Variants in C16orf89 observed in about 807,000 individuals in gnomAD.
C16orf89 encodes chromosome 16 open reading frame 89, also known as UPF0764 protein C16orf89.
Under a neutral mutation model 41.5 loss-of-function variants are expected in C16orf89, and 57 were observed. The observed-to-expected ratio is 1.38, with a 90% CI of 1.11 to 1.71. C16orf89 has a LOEUF of 1.71. Among genes scored for constraint, C16orf89 ranks in the 40% most tolerant of loss-of-function variants. The pLI, the probability that C16orf89 is intolerant of heterozygous loss-of-function variation, is 0.00. For synonymous variants in C16orf89, 223 were observed against 190.6 expected, an observed-to-expected ratio of 1.17 and a Z score of -1.40; for missense variants, 575 against 445.9, an observed-to-expected ratio of 1.29 and a Z score of -2.61.
chr16:5,065,864 C>T lies in C16orf89; in HGVS notation c.45G>A (p.Leu15=). The change falls in exon 1 of 8, where the codon CTG becomes CTA. Residue 15 remains leucine, a synonymous_variant. Coordinates refer to ENST00000472572, the MANE Select transcript of C16orf89 (RefSeq NM_001098514.3). Reference sequence around the variant, plus strand: ...GCAGTGAGGAGGACCACAGCGGTGGCAGTGCTGTCAGTAAGAGCAGGAGCA... The same window carrying T: ...GCAGTGAGGAGGACCACAGCGGTGGTAGTGCTGTCAGTAAGAGCAGGAGCA... The part of the protein sequence containing the change: ...GLLLLLLLTA[L]PPLWSSSLPG... 6.8e-6 allele frequency: 11 copies of T among 1,614,204 alleles called. No individual in the cohort carries two copies. The highest frequency in any genetic ancestry group is 8.5e-6 in the Non-Finnish European group (10 of 1,180,030).
intron 6 of C16orf89, 108 bp downstream of exon 6, chr16:5,055,138 C>T (rs1380684704): frequency 2.1e-5 from 20 of 967,904 alleles, no homozygotes; most frequent in Non-Finnish European, 3.1e-5. Flanking sequence ...TTACAAATCC[C>T]TTGGCAACCT....
intron 1 of C16orf89, among the ~76,000 whole-genome samples, chr16:5,065,307 C>T (rs915963744): frequency 6.6e-6 from 1 of 152,170 alleles, no homozygotes; most frequent in Non-Finnish European, 1.5e-5. Flanking sequence ...GGAACCCGAT[C>T]TTGAGGGTCC....
At chr16:5,055,214 C>A (rs1411143178) in intron 6 of C16orf89, 32 bp downstream of exon 6, 16 of 1,541,772 alleles carry the variant, frequency 1.0e-5, no homozygotes, top group Non-Finnish European at 1.3e-5. Context: ...CCCACTGCCC[C>A]CCTTCTTAGC....
At chr16:5,046,015 C>G (rs1273030478) in intron 7 of C16orf89, among the ~76,000 whole-genome samples, 1 of 152,192 alleles carries the variant, frequency 6.6e-6, no homozygotes, top group African/African-American at 2.4e-5. Context: ...TAGTACACAG[C>G]AGGCCCCTAC....
chr16:5,045,241 C>T (rs1034802239), intron 7 of C16orf89, among the ~76,000 whole-genome samples: 11 of 152,198 alleles, frequency 7.2e-5, no homozygotes, highest in African/African-American at 2.4e-4. Context: ...GAAACTGAGG[C>T]TTGGGTAGCC....
chr16:5,058,164 A>G (rs1331065041), intron 4 of C16orf89, among the ~76,000 whole-genome samples: 3 of 151,024 alleles, frequency 2.0e-5, no homozygotes, highest in Admixed American at 6.6e-5. Context: ...GTCTTAGTCC[A>G]TTGCCTGGGC....
intron 3 of C16orf89, 156 bp downstream of exon 3, chr16:5,060,130 G>C: frequency 1.1e-6 from 1 of 884,814 alleles, no homozygotes; most frequent in Non-Finnish European, 1.6e-6. Flanking sequence ...TGCTGGAGTA[G>C]GAGAGGGCAG....
rs931195697 is a variant in C16orf89 at position 5,044,969 on chromosome 16, C to T, written c.956-491G>A. The T allele has an allele frequency of 4.3e-6, 5 of 1,175,834 alleles. No individual in the cohort carries two copies. The African/African-American group carries it at 8.3e-5, about 20-fold the overall frequency. 72.8% of individuals were successfully genotyped at this position (1,175,834 alleles called of 1,614,324 possible). ...GCTCTTCCGCCAGCTGCTAAGGGCT[C>T]CCTTCTCTGGGAGGTATGTCCCTCC... On this transcript the variant is annotated intron_variant, in intron 7 of 7. Coordinates refer to ENST00000472572, the MANE Select transcript of C16orf89 (RefSeq NM_001098514.3).
rs55994175 is a variant in C16orf89, at chr16:5,052,845, C to G, written c.868+2401G>C. Among the ~76,000 whole-genome samples the G allele has an allele frequency of 9.1e-3, 1,391 of 152,282 alleles. 20 individuals are homozygous for G. Among genetic ancestry groups the G allele is most frequent in the African/African-American group, 0.031 (1,304 of 41,540 alleles). ...CTGCACCCCCATGTTTATTGCAGCG[C>G]TATTCACAGTAGCCAAGATACAGCA... On this transcript the variant is annotated intron_variant, in intron 6 of 7. Transcript: ENST00000472572.
intron 6 of C16orf89, 139 bp from the exon 7 acceptor site, chr16:5,048,103 C>T (rs991023219): frequency 8.2e-6 from 5 of 606,536 alleles, no homozygotes; most frequent in Admixed American, 2.9e-5. Context: ...TCATAGCTCA[C>T]CACAACCTCG....
chr16:5,048,477 T>G lies in C16orf89; in HGVS notation c.869-513A>C, dbSNP rs1374603611. ...CAGATCCTTTTGCATGGCCTAAACT[T>G]GTCATCTACTGATGGTTTTCCAAAC... On this transcript the variant is annotated intron_variant, in intron 6 of 7. Transcript: ENST00000472572. 6.6e-5 allele frequency among the ~76,000 whole-genome samples: 10 copies of G among 152,192 alleles called. No homozygotes were observed. In the East Asian group the frequency reaches 1.9e-3, roughly 29 times the overall value.
chr16:5,058,113 C>A (rs1956546377), intron 4 of C16orf89, among the ~76,000 whole-genome samples: 1 of 151,982 alleles, frequency 6.6e-6, no homozygotes, highest in African/African-American at 2.4e-5. Context: ...TGCCATGAGC[C>A]CTTTTTCATT....
chr16:5,053,760 C>T (rs191971404), intron 6 of C16orf89, among the ~76,000 whole-genome samples: 133 of 152,176 alleles, frequency 8.7e-4, no homozygotes, highest in South Asian at 4.4e-3. Context: ...TTGGCCAGGC[C>T]GGTTTCTAAT....
chr16:5,058,802 A>T (rs111441485), intron 3 of C16orf89, among the ~76,000 whole-genome samples, 192 bp from the exon 4 acceptor site: 4 of 152,198 alleles, frequency 2.6e-5, no homozygotes, highest in Non-Finnish European at 5.9e-5. Flanking sequence ...CCCAGGAAAG[A>T]TGACGCTAGA....
intron 1 of C16orf89, among the ~76,000 whole-genome samples, chr16:5,063,747 C>G (rs1227523432): frequency 1.3e-5 from 2 of 152,204 alleles, no homozygotes; most frequent in African/African-American, 4.8e-5. Context: ...ACGGGATTAT[C>G]TACTTGCAGG....
In C16orf89 at chr16:5,065,863, G is replaced by A; in HGVS notation, c.46C>T (p.Pro16Ser). 1 of 1,614,212 alleles carries A rather than the reference G, an allele frequency of 6.2e-7. No homozygotes were observed. Among genetic ancestry groups the A allele is most frequent in the Non-Finnish European group, 8.5e-7 (1 of 1,180,030 alleles). Residue 16 changes from proline (P) to serine (S), a missense_variant, in exon 1 of 8, where the codon CCA (proline) becomes TCA (serine). Physicochemically the swap from Pro to Ser is moderately conservative, Grantham distance 74 (BLOSUM62 -1). Transcript: ENST00000472572. Reference sequence around the variant, plus strand: ...GGCAGTGAGGAGGACCACAGCGGTGGCAGTGCTGTCAGTAAGAGCAGGAGC... The same window carrying A: ...GGCAGTGAGGAGGACCACAGCGGTGACAGTGCTGTCAGTAAGAGCAGGAGC... ...LLLLLLLTAL[P>S]PLWSSSLPGL...
At position 5,056,046 on chromosome 16, in the gene C16orf89, G is replaced by T; in HGVS notation, c.763+7C>A. The T allele has an allele frequency of 6.3e-7, 1 of 1,588,956 alleles. No homozygotes were observed. The highest frequency in any genetic ancestry group is 1.1e-5 in the South Asian group (1 of 90,212). On this transcript the variant is annotated splice_region_variant and intron_variant, in intron 5 of 7. Coordinates refer to ENST00000472572, the MANE Select transcript of C16orf89 (RefSeq NM_001098514.3). ...CCTTTGCCCCGGGGGCAGAATGCTG[G>T]CCATACTGTTTTCCATGAAGATGTC...
intron 7 of C16orf89, among the ~76,000 whole-genome samples, chr16:5,045,543 C>T (rs1189711905): frequency 6.6e-6 from 1 of 152,080 alleles, no homozygotes; most frequent in Non-Finnish European, 1.5e-5. Flanking sequence ...CAGCCAGGTC[C>T]GTTGAAGGGA....
rs770440494 is a variant in C16orf89, at chr16:5,044,523, G to A, written c.956-45C>T. On this transcript the variant is annotated intron_variant, in intron 7 of 7. Transcript: ENST00000472572. ...TGAGTGCTGGGTGGCAAGAACCTTG[G>A]CCCTTTATTCAACACAGTCTCATTG... 6 of 1,609,254 alleles carry A rather than the reference G, an allele frequency of 3.7e-6. No individual in the cohort carries two copies. In the East Asian group the frequency reaches 1.3e-4, roughly 36 times the overall value.
Sources: allele counts gnomAD v4.1 joint callset (sites outside exome capture counted in the v4.1 genomes callset), GRCh38; gene constraint gnomAD v4.1.1; transcripts MANE v1.5; gene names NCBI Gene and HGNC (gene_info 2026-07-23, HGNC 2026-07-21).